Variants in POLR3A observed in about 807,000 individuals in gnomAD.
POLR3A encodes RNA polymerase III subunit A.
POLR3A carries 112 observed loss-of-function variants against 152.8 expected under a neutral mutation model. That is an observed-to-expected ratio of 0.73 (90% confidence interval 0.63 to 0.86). The LOEUF (loss-of-function observed/expected upper bound fraction) is 0.86, where lower values mean the gene tolerates loss of function less well. Among genes scored for constraint, POLR3A ranks in the 40% least tolerant of loss-of-function variants. POLR3A has a pLI of 0.00. For missense variants in POLR3A, 1,385 were observed against 1,743.1 expected, an observed-to-expected ratio of 0.79 and a Z score of 3.66; for synonymous variants, 615 against 652.1, an observed-to-expected ratio of 0.94 and a Z score of 0.87.
At chr10:77,979,733 G>A (rs761829724) in intron 30 of POLR3A, among the ~76,000 whole-genome samples, 5 of 152,198 alleles carry the variant, frequency 3.3e-5, no homozygotes, top group Non-Finnish European at 7.3e-5. Context: ...GGCATTGATG[G>A]CCACCTCCCA....
chr10:78,009,689 G>A lies in POLR3A; in HGVS notation c.1771-14C>T. Reference sequence around the variant, plus strand: ...CAGGGTGACAGGCTGAGGGGGGGAGGAAGCCTGAGAGTCAGTGGGCTGAGC... The same window carrying A: ...CAGGGTGACAGGCTGAGGGGGGGAGAAAGCCTGAGAGTCAGTGGGCTGAGC... On this transcript the variant is annotated splice_polypyrimidine_tract_variant and intron_variant, in intron 13 of 30. Coordinates refer to ENST00000372371, the MANE Select transcript of POLR3A (RefSeq NM_007055.4). 1 of 1,614,136 alleles carries A rather than the reference G, an allele frequency of 6.2e-7. No individual in the cohort carries two copies. Among genetic ancestry groups the A allele is most frequent in the Non-Finnish European group, 8.5e-7 (1 of 1,180,028 alleles).
intron 17 of POLR3A, among the ~76,000 whole-genome samples, chr10:78,001,697 G>C (rs117476685): frequency 2.6e-5 from 4 of 152,158 alleles, no homozygotes; most frequent in Non-Finnish European, 4.4e-5. Flanking sequence ...AAAATCCCTG[G>C]CTTTCTTCTG....
rs747495009 is a variant in POLR3A, at chr10:77,977,226, A to T, written c.*252T>A. ...GTGCACGAGCTGTGGGGCCGTCTATAGATTAGGTTTCAAGCAAGCAAACAA... is the reference window on the plus strand; with the variant it reads ...GTGCACGAGCTGTGGGGCCGTCTATTGATTAGGTTTCAAGCAAGCAAACAA... On this transcript the variant is annotated 3_prime_UTR_variant, in exon 31 of 31. Coordinates refer to ENST00000372371, the MANE Select transcript of POLR3A (RefSeq NM_007055.4). 3.2e-5 allele frequency: 16 copies of T among 494,436 alleles called. No homozygotes were observed. The highest frequency in any genetic ancestry group is 5.2e-5 in the Non-Finnish European group (14 of 271,610). 30.6% of individuals were successfully genotyped at this position (494,436 alleles called of 1,614,324 possible). A position where few individuals can be genotyped will look rare whatever the true frequency, so the allele number is the denominator to read the frequency against.
At chr10:77,979,109 C>T (rs1362165228) in intron 30 of POLR3A, among the ~76,000 whole-genome samples, 1 of 152,232 alleles carries the variant, frequency 6.6e-6, no homozygotes, top group Non-Finnish European at 1.5e-5. Context: ...TGCCCGCTCT[C>T]ACCCTTCTTT....
chr10:77,994,410 G>C (rs185717583), intron 19 of POLR3A, among the ~76,000 whole-genome samples: 1 of 151,918 alleles, frequency 6.6e-6, no homozygotes, highest in East Asian at 1.9e-4. Flanking sequence ...AGTAGGGAGA[G>C]AGAAGACACA....
In POLR3A at chr10:78,029,230, C is replaced by G. The variant is rs543990037; in HGVS notation, c.44+134G>C. The G allele has an allele frequency of 8.5e-4, 753 of 888,266 alleles. 2 individuals carry two copies. The highest frequency in any genetic ancestry group is 1.1e-3 in the Non-Finnish European group (587 of 534,192). The allele number at this position is 888,266 out of a possible 1,614,324, so 55.0% of individuals were successfully genotyped here. On this transcript the variant is annotated intron_variant, in intron 1 of 30. Coordinates refer to ENST00000372371, the MANE Select transcript of POLR3A (RefSeq NM_007055.4). ...TGACCAACGCTGGTAGTTCTGGGCG[C>G]TGGTCACACCTATGGACTACTGGCC...
At chr10:78,004,447 T>C (rs1847390859) in intron 16 of POLR3A, among the ~76,000 whole-genome samples, 1 of 152,060 alleles carries the variant, frequency 6.6e-6, no homozygotes, top group Admixed American at 6.6e-5. Context: ...TTTCACCACC[T>C]GGATGTGAAA....
intron 3 of POLR3A, 32 bp from the exon 4 acceptor site, chr10:78,025,174 A>G (rs901769973): frequency 1.9e-6 from 3 of 1,610,986 alleles, no homozygotes; most frequent in Non-Finnish European, 2.5e-6. Context: ...AGATAAAAGC[A>G]TAAGTGAGAA....
Position 78,013,476 on chromosome 10 carries a change from G to C in POLR3A, c.1572+174C>G. Reference sequence around the variant, plus strand: ...ATAATTTCTAAGAGATTCTTCAAAGGCTCAAAAGAAACCAATAAAAAGAGA... The same window carrying C: ...ATAATTTCTAAGAGATTCTTCAAAGCCTCAAAAGAAACCAATAAAAAGAGA... On this transcript the variant is annotated intron_variant, in intron 11 of 30. Coordinates refer to ENST00000372371, the MANE Select transcript of POLR3A (RefSeq NM_007055.4). 3 of 675,164 alleles carry C rather than the reference G, an allele frequency of 4.4e-6. No individual in the cohort carries two copies. In the South Asian group the frequency reaches 4.9e-5, roughly 11 times the overall value. The allele number at this position is 675,164 out of a possible 1,614,324, so 41.8% of individuals were successfully genotyped here.
intron 15 of POLR3A, among the ~76,000 whole-genome samples, chr10:78,006,960 C>T (rs1456227910): frequency 6.6e-6 from 1 of 151,944 alleles, no homozygotes; most frequent in African/African-American, 2.4e-5. Flanking sequence ...TTCTACAAAA[C>T]TTAGTTGGGC....
intron 19 of POLR3A, among the ~76,000 whole-genome samples, chr10:77,997,438 G>T (rs1428534856): frequency 2.0e-5 from 3 of 152,190 alleles, no homozygotes; most frequent in Non-Finnish European, 4.4e-5. Context: ...ATCTCCTCAA[G>T]CTGATAAGCA....
chr10:77,998,542 A>G lies in POLR3A; in HGVS notation c.2616+1439T>C, dbSNP rs960590650. On this transcript the variant is annotated intron_variant, in intron 19 of 30. Transcript: ENST00000372371. ...AGACATTTATGCAGCCAAAGGACAC[A>G]TGAAACAATGCTCATCATCACTGGC... Among the ~76,000 whole-genome samples the G allele has an allele frequency of 4.6e-5, 7 of 152,254 alleles. No individual in the cohort carries two copies. The East Asian group carries it at 7.7e-4, about 17-fold the overall frequency.
At chr10:77,989,117 G>A (rs1040334428) in intron 21 of POLR3A, among the ~76,000 whole-genome samples, 26 of 152,158 alleles carry the variant, frequency 1.7e-4, no homozygotes, top group Admixed American at 1.3e-4. Context: ...AAGAAAAACA[G>A]CTCACTTTTT....
intron 5 of POLR3A, among the ~76,000 whole-genome samples, chr10:78,023,099 C>T (rs766712175): frequency 2.0e-5 from 3 of 147,348 alleles, no homozygotes; most frequent in Admixed American, 6.8e-5. Context: ...CAGAGGTTGC[C>T]GTGAGCCGAT....
Position 77,993,297 on chromosome 10 carries a change from T to A in POLR3A, c.2687A>T (p.Asp896Val), listed in dbSNP as rs765990851. Residue 896 changes from aspartate to valine, a missense_variant, in exon 20 of 31, where the codon GAT becomes GTT. By Grantham distance (152) the Asp-to-Val change is radical. This residue lies in a region of POLR3A where 178 missense variants were observed against 204.6 expected (regional missense o/e 0.87). Coordinates refer to ENST00000372371, the MANE Select transcript of POLR3A (RefSeq NM_007055.4). ...YDLTVRSSTG[D>V]IIQFIYGGDG... The stretch of plus-strand genomic sequence containing the variant: ...TCCTCCATAAATGAACTGGATAATA[T>A]CGCCAGTAGAGCTTCGGACTGTCAG... The A allele has an allele frequency of 6.2e-7, 1 of 1,612,786 alleles. No individual in the cohort carries two copies. Among genetic ancestry groups the A allele is most frequent in the South Asian group, 1.1e-5 (1 of 91,066 alleles).
intron 8 of POLR3A, among the ~76,000 whole-genome samples, chr10:78,020,382 C>T (rs577597085): frequency 5.3e-5 from 8 of 151,838 alleles, no homozygotes; most frequent in South Asian, 2.1e-4. Context: ...CCTAGCTACT[C>T]GGGAGGCTGA....
Position 77,977,511 on chromosome 10 carries a change from G to A in POLR3A, c.4140C>T (p.Asp1380=). 1 of 1,614,116 alleles carries A rather than the reference G, an allele frequency of 6.2e-7. No homozygotes were observed. ...PNPPKRPLIF[D]TNEFHIPLVT Reference sequence around the variant, plus strand: ...CAAGGGGGATGTGGAATTCATTTGTGTCGAAGATCAGGGGCCTCTTGGGAG... The same window carrying A: ...CAAGGGGGATGTGGAATTCATTTGTATCGAAGATCAGGGGCCTCTTGGGAG... The change falls in exon 31 of 31, where the codon GAC becomes GAT. Residue 1380 remains aspartate (D), a synonymous_variant. Transcript: ENST00000372371.
intron 20 of POLR3A, among the ~76,000 whole-genome samples, chr10:77,992,776 G>A (rs1468149849): frequency 1.3e-5 from 2 of 151,992 alleles, no homozygotes; most frequent in Non-Finnish European, 2.9e-5. Flanking sequence ...CTCGCCTCAA[G>A]TGATTCTCCT....
rs191453455 is a variant in POLR3A, at chr10:77,984,695, G to A, written c.3243-397C>T. 2.6e-3 allele frequency among the ~76,000 whole-genome samples: 397 copies of A among 152,280 alleles called. 3 individuals are homozygous for A. Among genetic ancestry groups the A allele is most frequent in the African/African-American group, 9.3e-3 (387 of 41,550 alleles). On this transcript the variant is annotated intron_variant, in intron 24 of 30. Transcript: ENST00000372371. ...ATCATTTTGTTAAATATAGGTCATAGGTAAAAATCATTATTTTTGTCATCG... is the reference window on the plus strand; with the variant it reads ...ATCATTTTGTTAAATATAGGTCATAAGTAAAAATCATTATTTTTGTCATCG...
Sources: gnomAD v4.1 joint callset for allele counts (sites outside exome capture counted in the v4.1 genomes callset) on GRCh38, gnomAD v4.1.1 for gene constraint, gnomAD v4.1.1 regional missense constraint, MANE v1.5 for transcripts, NCBI Gene and HGNC (gene_info 2026-07-23, HGNC 2026-07-21) for gene names.